The following FOSL2 variants were observed in gnomAD, a reference collection of about 807,000 sequenced individuals.
The protein encoded by FOSL2 is fos-related antigen 2.
A neutral mutation model predicts 27.7 loss-of-function variants in FOSL2; 3 were observed. The ratio of observed to expected loss-of-function variants is 0.11; its 90% CI spans 0.05 to 0.28. FOSL2 has a LOEUF of 0.28. Among genes scored for constraint, FOSL2 ranks in the 10% least tolerant of loss-of-function variants. The pLI, the probability that FOSL2 is intolerant of heterozygous loss-of-function variation, is 1.00. For synonymous variants in FOSL2, 179 were observed against 190.1 expected, an observed-to-expected ratio of 0.94 and a Z score of 0.48; for missense variants, 333 against 445.1, an observed-to-expected ratio of 0.75 and a Z score of 2.27.
chr2:28,403,992 C>T (rs929308221), intron 1 of FOSL2, 115 bp from the exon 2 acceptor site: 9 of 1,289,948 alleles, frequency 7.0e-6, no homozygotes, highest in East Asian at 2.4e-5. Flanking sequence ...CCTTGCCCTT[C>T]GAACACTGAC....
chr2:28,406,904 C>CG (rs1664095365), intron 2 of FOSL2, among the ~76,000 whole-genome samples: 1 of 152,146 alleles, frequency 6.6e-6, no homozygotes, highest in Non-Finnish European at 1.5e-5. Flanking sequence ...TGCCCTGTGG[C>CG]GGCGACTCTG....
In FOSL2 at chr2:28,393,586, G is replaced by A. The variant is rs1216803986; in HGVS notation, c.-135G>A. ...CCTGTCCTCGCCCTCCGCGGTGGGG[G>A]AGAAACCCAGGAGCGAAGCCCAGAG... On this transcript the variant is annotated 5_prime_UTR_variant, in exon 1 of 4. Transcript: ENST00000264716. The surrounding 1 kb of genome is among the most constrained non-coding windows in gnomAD (Gnocchi z 4.6). 50 of 630,696 alleles carry A rather than the reference G, an allele frequency of 7.9e-5. No individual in the cohort carries two copies. The Middle Eastern group carries it at 2.2e-3, about 28-fold the overall frequency. 39.1% of individuals were successfully genotyped at this position (630,696 alleles called of 1,614,324 possible).
intron 1 of FOSL2, among the ~76,000 whole-genome samples, chr2:28,395,217 G>A (rs890032138): frequency 5.3e-5 from 8 of 152,166 alleles, no homozygotes; most frequent in African/African-American, 1.9e-4. Context: ...TCCCAGCCCC[G>A]CTAGTGGTTT....
chr2:28,405,191 A>AG (rs2148089293), intron 2 of FOSL2, among the ~76,000 whole-genome samples: 1 of 152,288 alleles, frequency 6.6e-6, no homozygotes, highest in South Asian at 2.1e-4. Context: ...AGAATCATGC[A>AG]TAATTCCAGA....
intron 1 of FOSL2, chr2:28,396,755 C>G (rs1055098081): frequency 1.3e-5 from 2 of 149,880 alleles, no homozygotes; most frequent in African/African-American, 5.0e-5. Context: ...GAATACCAGA[C>G]TAGCACTCTT....
chr2:28,403,921 T>A (rs1216595207), intron 1 of FOSL2, among the ~76,000 whole-genome samples, 186 bp from the exon 2 acceptor site: 1 of 152,144 alleles, frequency 6.6e-6, no homozygotes, highest in Non-Finnish European at 1.5e-5. Flanking sequence ...CAGGCATAAT[T>A]AAGATTCCCC....
chr2:28,400,705 G>A (rs955920773), intron 1 of FOSL2, among the ~76,000 whole-genome samples: 2 of 152,190 alleles, frequency 1.3e-5, no homozygotes, highest in African/African-American at 4.8e-5. Flanking sequence ...TTTTATTGCT[G>A]TCTTGTTTTG....
At chr2:28,406,112 G>A (rs187272504) in intron 2 of FOSL2, among the ~76,000 whole-genome samples, 78 of 148,458 alleles carry the variant, frequency 5.3e-4, no homozygotes, top group African/African-American at 1.7e-3. Context: ...CTAGAATGCA[G>A]TGGCACGATC....
rs1399223351 is a variant in FOSL2 at position 28,404,185 on chromosome 2, C to G, written c.181C>G (p.Gln61Glu). ...CGCCATCACGACCAGCCAGGACCTG[C>G]AGTGGATGGTGCAGCCCACAGTGAT... Reference protein sequence around the residue: ...INAITTSQDLQWMVQPTVITS... With the variant: ...INAITTSQDLEWMVQPTVITS... Residue 61 changes from glutamine to glutamate, a missense_variant, in exon 2 of 4, where the codon CAG (glutamine) becomes GAG (glutamate). Gln to Glu is a conservative substitution (Grantham distance 29, BLOSUM62 2). Coordinates refer to ENST00000264716, the MANE Select transcript of FOSL2 (RefSeq NM_005253.4). This position sits in a 1 kb window ranked among gnomAD's most constrained non-coding sequence, Gnocchi z 4.7. The G allele has an allele frequency of 6.2e-7, 1 of 1,614,204 alleles. No homozygotes were observed. The highest frequency in any genetic ancestry group is 8.5e-7 in the Non-Finnish European group (1 of 1,180,022).
At chr2:28,409,303 A>G (rs2148095634) in intron 3 of FOSL2, among the ~76,000 whole-genome samples, 1 of 152,216 alleles carries the variant, frequency 6.6e-6, no homozygotes, top group African/African-American at 2.4e-5. Flanking sequence ...AGCCTGGCCT[A>G]AGCACTCTGG....
At chr2:28,396,162 T>C (rs2148076692) in intron 1 of FOSL2, among the ~76,000 whole-genome samples, 1 of 152,188 alleles carries the variant, frequency 6.6e-6, no homozygotes, top group African/African-American at 2.4e-5. Context: ...TTTTTTCAGC[T>C]CTCTCTTTTG....
intron 1 of FOSL2, among the ~76,000 whole-genome samples, chr2:28,399,643 G>C (rs1201257911): frequency 6.6e-6 from 1 of 152,170 alleles, no homozygotes; most frequent in African/African-American, 2.4e-5. Context: ...GGAGGTTCAA[G>C]CTGATAAGTG....
Position 28,416,194 on chromosome 2 carries a change from C to T in FOSL2, c.*3746C>T, listed in dbSNP as rs1035789878. The T allele has an allele frequency of 6.6e-6, 1 of 152,008 alleles. No individual in the cohort carries two copies. The allele number at this position is 152,008 out of a possible 1,614,324, so 9.4% of individuals were successfully genotyped here. ...TCCTGTAGCTTTTTAAAAGGAAACC[C>T]AGTCATCCCACTATGAATCTGGCAT... On this transcript the variant is annotated 3_prime_UTR_variant, in exon 4 of 4. Transcript: ENST00000264716.
Position 28,393,728 on chromosome 2 carries a change from A to G in FOSL2, c.8A>G (p.Gln3Arg). The G allele has an allele frequency of 6.2e-7, 1 of 1,608,660 alleles. No individual in the cohort carries two copies. The highest frequency in any genetic ancestry group is 8.5e-7 in the Non-Finnish European group (1 of 1,177,646). Reference sequence around the variant, plus strand: ...CGGCCCCCACCGCGGATCATGTACCAGGATTATCCCGGGAACTTTGACACC... The same window carrying G: ...CGGCCCCCACCGCGGATCATGTACCGGGATTATCCCGGGAACTTTGACACC... MYQDYPGNFDTSS... is the reference protein window; with the variant it reads MYRDYPGNFDTSS... The change falls in exon 1 of 4, where the codon CAG becomes CGG. Residue 3 changes from glutamine to arginine, a missense_variant. By Grantham distance (43) the Gln-to-Arg change is conservative. This residue lies in a region of FOSL2 where 131 missense variants were observed against 157.9 expected (regional missense o/e 0.83). Transcript: ENST00000264716. This position sits in a 1 kb window ranked among gnomAD's most constrained non-coding sequence, Gnocchi z 4.6.
intron 2 of FOSL2, among the ~76,000 whole-genome samples, chr2:28,407,358 T>G (rs1252843409): frequency 6.6e-6 from 1 of 152,226 alleles, no homozygotes; most frequent in Non-Finnish European, 1.5e-5. Flanking sequence ...CCTCATGACC[T>G]CAGCCGGGCT....
chr2:28,394,150 C>A (rs910108249), intron 1 of FOSL2, among the ~76,000 whole-genome samples: 4 of 95,024 alleles, frequency 4.2e-5, no homozygotes, highest in Non-Finnish European at 6.6e-5. Context: ...CCCCCCCCCC[C>A]ACCCCTGCCC....
chr2:28,395,989 C>T (rs1244158661), intron 1 of FOSL2, among the ~76,000 whole-genome samples: 2 of 152,218 alleles, frequency 1.3e-5, no homozygotes, highest in South Asian at 2.1e-4. Flanking sequence ...GGTAACTTTA[C>T]TACATACCAG....
In FOSL2 at chr2:28,393,481, G is replaced by A; in HGVS notation, c.-240G>A. On this transcript the variant is annotated 5_prime_UTR_variant, in exon 1 of 4. Coordinates refer to ENST00000264716, the MANE Select transcript of FOSL2 (RefSeq NM_005253.4). This position sits in a 1 kb window ranked among gnomAD's most constrained non-coding sequence, Gnocchi z 4.6. ...GAGGGAGGGATCGGGTGGACAACTG[G>A]TCCCGCGGCGCTCGCAGAGCCGGAA... 1 of 489,124 alleles carries A rather than the reference G, an allele frequency of 2.0e-6. No homozygotes were observed. The highest frequency in any genetic ancestry group is 4.3e-5 in the Admixed American group (1 of 23,484). The allele number at this position is 489,124 out of a possible 1,614,324, so 30.3% of individuals were successfully genotyped here.
Position 28,413,588 on chromosome 2 carries a change from AGG to A in FOSL2, c.*1141_*1142del. The A allele has an allele frequency of 2.5e-6, 1 of 398,746 alleles. No individual in the cohort carries two copies. The highest frequency in any genetic ancestry group is 3.6e-5 in the East Asian group (1 of 28,066). 24.7% of individuals were successfully genotyped at this position (398,746 alleles called of 1,614,324 possible). A position where few individuals can be genotyped will look rare whatever the true frequency, so the allele number is the denominator to read the frequency against. ...TGGAGAGGCAGGGGAGGGAGGCGGG[AGG>A]CCGTCACTGGAGTGGCGTCTGCAGC... On this transcript the variant is annotated 3_prime_UTR_variant, in exon 4 of 4. Coordinates refer to ENST00000264716, the MANE Select transcript of FOSL2 (RefSeq NM_005253.4).
Sources: gnomAD v4.1 joint callset for allele counts (sites outside exome capture counted in the v4.1 genomes callset) on GRCh38, gnomAD v4.1.1 for gene constraint, gnomAD v4.1.1 regional missense constraint, Gnocchi (gnomAD v3.1) non-coding constraint, MANE v1.5 for transcripts, NCBI Gene and HGNC (gene_info 2026-07-23, HGNC 2026-07-21) for gene names.